Variants in PITPNA observed in about 807,000 individuals in gnomAD.
PITPNA encodes the protein phosphatidylinositol transfer protein alpha, also known as phosphatidylinositol transfer protein alpha isoform.
In PITPNA, 13 loss-of-function variants were observed where a neutral mutation model predicts 50.3. The ratio of observed to expected loss-of-function variants is 0.26; its 90% CI spans 0.17 to 0.41. The LOEUF (loss-of-function observed/expected upper bound fraction) is 0.41. PITPNA is among the 10% of genes least tolerant of loss of function. PITPNA has a pLI of 1.00. For missense variants in PITPNA, 207 were observed against 333.4 expected, an observed-to-expected ratio of 0.62 and a Z score of 2.95; for synonymous variants, 120 against 119.6, an observed-to-expected ratio of 1.00 and a Z score of -0.02.
chr17:1,526,427 T>G (rs929021747), intron 10 of PITPNA, among the ~76,000 whole-genome samples: 6 of 152,310 alleles, frequency 3.9e-5, no homozygotes, highest in Admixed American at 3.3e-4. Flanking sequence ...GGCAAAGGAG[T>G]GTACAGGAGT....
chr17:1,559,055 G>A (rs80170681), intron 1 of PITPNA, among the ~76,000 whole-genome samples: 2,006 of 152,138 alleles, frequency 0.013, 66 homozygotes, highest in African/African-American at 0.046. Flanking sequence ...ACCCAAACAA[G>A]AGGCCCTGGG....
intron 1 of PITPNA, among the ~76,000 whole-genome samples, chr17:1,560,912 C>A (rs1451798475): frequency 2.0e-5 from 3 of 152,088 alleles, no homozygotes; most frequent in Non-Finnish European, 2.9e-5. Flanking sequence ...CCTCTGTTAC[C>A]CAAACTCCAC....
rs549637355 is a variant in PITPNA, at chr17:1,541,499, C to T, written c.372+67G>A. 11 of 1,134,606 alleles carry T rather than the reference C, an allele frequency of 9.7e-6. No homozygotes were observed. In the African/African-American group the frequency reaches 1.4e-4, roughly 14 times the overall value. 70.3% of individuals were successfully genotyped at this position (1,134,606 alleles called of 1,614,324 possible). The stretch of plus-strand genomic sequence containing the variant: ...GACCACAGAGAGGACCCCATGGTAG[C>T]CCTGGAGAGGCTACAAGGCAGAGAC... On this transcript the variant is annotated intron_variant, in intron 6 of 11. Transcript: ENST00000313486.
chr17:1,552,662 T>C (rs541907320), intron 3 of PITPNA, among the ~76,000 whole-genome samples: 2 of 152,340 alleles, frequency 1.3e-5, no homozygotes, highest in East Asian at 3.9e-4. Context: ...CTGGATTATG[T>C]AGGCATCTGG....
At position 1,538,904 on chromosome 17, in the gene PITPNA, T is replaced by C. The variant is rs778526572; in HGVS notation, c.421A>G (p.Ile141Val). Reference protein sequence around the residue: ...EAWKHVEAVYIDIADRSQVLS... With the variant: ...EAWKHVEAVYVDIADRSQVLS... ...ACTTGGCTTCGATCTGCAATGTCTA[T>C]ATATACGGCTTCCACGTGTTTCCAC... is the stretch of plus-strand genomic sequence containing the variant. Residue 141 changes from isoleucine to valine, a missense_variant, in exon 7 of 12, where the codon ATA becomes GTA. Coordinates refer to ENST00000313486, the MANE Select transcript of PITPNA (RefSeq NM_006224.4). 2 of 1,613,786 alleles carry C rather than the reference T, an allele frequency of 1.2e-6. No homozygotes were observed. Among genetic ancestry groups the C allele is most frequent in the African/African-American group, 1.3e-5 (1 of 74,940 alleles).
At chr17:1,523,887 G>A (rs2075529793) in intron 10 of PITPNA, among the ~76,000 whole-genome samples, 1 of 151,614 alleles carries the variant, frequency 6.6e-6, no homozygotes, top group Non-Finnish European at 1.5e-5. Flanking sequence ...TCGAACCCCT[G>A]GACTTAAGTA....
At chr17:1,540,128 C>T (rs957188724) in intron 6 of PITPNA, among the ~76,000 whole-genome samples, 31 of 152,206 alleles carry the variant, frequency 2.0e-4, no homozygotes, top group African/African-American at 5.5e-4. Context: ...CATGTGTTCC[C>T]GGCTGTACAG....
chr17:1,560,494 G>A (rs936854930), intron 1 of PITPNA, among the ~76,000 whole-genome samples: 5 of 152,184 alleles, frequency 3.3e-5, no homozygotes, highest in Admixed American at 6.5e-5. Flanking sequence ...CTGCATCTCC[G>A]GCACCTTGGA....
At chr17:1,530,369 G>A (rs539173654) in intron 10 of PITPNA, among the ~76,000 whole-genome samples, 1 of 147,742 alleles carries the variant, frequency 6.8e-6, no homozygotes, top group African/African-American at 2.6e-5. Context: ...GAAAGAGAGA[G>A]ACAGAAACTG....
intron 4 of PITPNA, among the ~76,000 whole-genome samples, chr17:1,547,293 G>T (rs998231469): frequency 4.6e-5 from 7 of 152,158 alleles, no homozygotes; most frequent in African/African-American, 1.7e-4. Flanking sequence ...TTGAGCCTGG[G>T]AGGTTAAGGC....
chr17:1,534,244 T>G, intron 9 of PITPNA, 23 bp from the exon 10 acceptor site: 1 of 1,613,248 alleles, frequency 6.2e-7, no homozygotes, highest in Non-Finnish European at 8.5e-7. Context: ...GGGAACCACG[T>G]TAGAACGCAG....
At chr17:1,539,716 G>A (rs1179133585) in intron 6 of PITPNA, among the ~76,000 whole-genome samples, 9 of 152,248 alleles carry the variant, frequency 5.9e-5, no homozygotes, top group Non-Finnish European at 1.2e-4. Context: ...GGGACTATAG[G>A]TGCACAACAC....
chr17:1,537,106 C>T (rs2151007012), intron 7 of PITPNA, among the ~76,000 whole-genome samples: 1 of 151,360 alleles, frequency 6.6e-6, no homozygotes, highest in East Asian at 1.9e-4. Flanking sequence ...ACTCTTTTTG[C>T]CCAGGCTGGT....
intron 2 of PITPNA, among the ~76,000 whole-genome samples, chr17:1,554,390 ATTTTTTTTTTTTTTTT>A (rs61238602): frequency 3.0e-5 from 2 of 66,092 alleles, no homozygotes; most frequent in African/African-American, 1.1e-4. Flanking sequence ...GTGTTTCTCT[ATTTTTTTTTTTTTTTT>A]TTTTTTTTTT....
intron 10 of PITPNA, among the ~76,000 whole-genome samples, chr17:1,526,569 A>G (rs1262267876): frequency 6.6e-6 from 1 of 152,208 alleles, no homozygotes; most frequent in African/African-American, 2.4e-5. Context: ...ATATCATGGG[A>G]GCAAAGCTCC....
At chr17:1,554,845 T>C (rs1009528226) in intron 2 of PITPNA, among the ~76,000 whole-genome samples, 2 of 152,104 alleles carry the variant, frequency 1.3e-5, no homozygotes, top group Admixed American at 1.3e-4. Context: ...CTCAGTGAAA[T>C]CCATACAGAG....
intron 6 of PITPNA, among the ~76,000 whole-genome samples, 174 bp downstream of exon 6, chr17:1,541,392 T>C (rs2151008720): frequency 6.6e-6 from 1 of 152,168 alleles, no homozygotes; most frequent in East Asian, 1.9e-4. Flanking sequence ...AGATCACATT[T>C]TGCAAATCAG....
At position 1,534,233 on chromosome 17, in the gene PITPNA, A is replaced by C; in HGVS notation, c.646-12T>G. ...AGACGCCTCTCTTGCTATAGAAAGG[A>C]GGGAACCACGTTAGAACGCAGAAGG... On this transcript the variant is annotated splice_polypyrimidine_tract_variant and intron_variant, in intron 9 of 11. Coordinates refer to ENST00000313486, the MANE Select transcript of PITPNA (RefSeq NM_006224.4). 6.2e-7 allele frequency: 1 copy of C among 1,613,636 alleles called. No homozygotes were observed. Among genetic ancestry groups the C allele is most frequent in the Non-Finnish European group, 8.5e-7 (1 of 1,179,694 alleles).
chr17:1,534,494 G>T (rs1290309066), intron 9 of PITPNA, among the ~76,000 whole-genome samples: 1 of 152,144 alleles, frequency 6.6e-6, no homozygotes, highest in African/African-American at 2.4e-5. Context: ...CAGCAAGACA[G>T]CAGCCCATGA....
Sources: gnomAD v4.1 joint callset for allele counts (sites outside exome capture counted in the v4.1 genomes callset) on GRCh38, gnomAD v4.1.1 for gene constraint, MANE v1.5 for transcripts, NCBI Gene and HGNC (gene_info 2026-07-23, HGNC 2026-07-21) for gene names.